Variants in MBNL2 observed in about 807,000 individuals in gnomAD.
The protein encoded by MBNL2 is muscleblind like splicing regulator 2.
Under a neutral mutation model 41.9 loss-of-function variants are expected in MBNL2, and 17 were observed. The ratio of observed to expected loss-of-function variants is 0.41; its 90% CI spans 0.28 to 0.61. The LOEUF is 0.61. Among genes scored for constraint, MBNL2 ranks in the 20% least tolerant of loss-of-function variants. The pLI is 0.35. For missense variants in MBNL2, 336 were observed against 505.6 expected (o/e 0.66, Z 3.22); for synonymous variants, 195 against 182.9 (o/e 1.07, Z -0.53).
chr13:97,150,430 T>A, the MBNL2 span, among the ~76,000 whole-genome samples: 1 of 152,142 alleles, frequency 6.6e-6, no homozygotes, highest in Non-Finnish European at 1.5e-5. Context: ...TCTCTTCAGG[T>A]TGGCCTGATA....
intron 1 of MBNL2, among the ~76,000 whole-genome samples, chr13:97,252,994 G>A (rs2046858139): frequency 1.3e-5 from 2 of 152,166 alleles, no homozygotes; most frequent in Non-Finnish European, 2.9e-5. Flanking sequence ...ACATCTTGTT[G>A]TGAATATGAG....
intron 1 of MBNL2, among the ~76,000 whole-genome samples, chr13:97,264,692 G>C (rs2049371753): frequency 6.6e-6 from 1 of 152,190 alleles, no homozygotes; most frequent in Non-Finnish European, 1.5e-5. Context: ...TGTCAAAAAA[G>C]GGGTTATTAG....
chr13:97,299,737 G>T (rs540728041), intron 2 of MBNL2, among the ~76,000 whole-genome samples: 120 of 151,438 alleles, frequency 7.9e-4, no homozygotes, highest in African/African-American at 2.7e-3. Context: ...TCTTCAAAAC[G>T]TATTACTTAG....
At chr13:97,343,972 A>G (rs2061633312) in intron 4 of MBNL2, among the ~76,000 whole-genome samples, 1 of 152,038 alleles carries the variant, frequency 6.6e-6, no homozygotes, top group Admixed American at 6.6e-5. Flanking sequence ...ACGCCTGGCC[A>G]ATTTTGTATT....
At chr13:97,347,302 C>T (rs1262764603) in intron 5 of MBNL2, among the ~76,000 whole-genome samples, 1 of 152,170 alleles carries the variant, frequency 6.6e-6, no homozygotes, top group Admixed American at 6.5e-5. Context: ...TCCTGGGGTC[C>T]CTGAGCTCCG....
intron 7 of MBNL2, chr13:97,363,096 A>T (rs1462023988): frequency 6.6e-6 from 1 of 152,254 alleles, no homozygotes; most frequent in African/African-American, 2.4e-5. Context: ...TAGTATGGCC[A>T]TAGACCGAGG....
intron 1 of MBNL2, among the ~76,000 whole-genome samples, chr13:97,266,661 A>T (rs575117244): frequency 6.6e-6 from 1 of 152,372 alleles, no homozygotes; most frequent in South Asian, 2.1e-4. Flanking sequence ...TAGTCTCCAG[A>T]AATAGAGTGG....
rs957223117 is a variant in MBNL2 at position 97,277,421 on chromosome 13, A to G, written c.174+1012A>G. On this transcript the variant is annotated intron_variant, in intron 2 of 8. Coordinates refer to ENST00000679496, the MANE Select transcript of MBNL2 (RefSeq NM_001382683.1). ...AAACAGTTAAGAAAATTGTTTATCA[A>G]TGCTCTTGACATATGACTTGAGAAA... 6.6e-5 allele frequency among the ~76,000 whole-genome samples: 10 copies of G among 152,316 alleles called. No individual in the cohort carries two copies. The South Asian group carries it at 1.0e-3, about 16-fold the overall frequency.
intron 8 of MBNL2, among the ~76,000 whole-genome samples, chr13:97,367,060 C>T (rs1337903433): frequency 6.6e-6 from 1 of 152,228 alleles, no homozygotes; most frequent in Non-Finnish European, 1.5e-5. Flanking sequence ...GCCAAACTCA[C>T]TTGGTTCCCA....
In MBNL2 at chr13:97,283,160, C is replaced by T. The variant is rs76814011; in HGVS notation, c.174+6751C>T. 2.9e-3 allele frequency among the ~76,000 whole-genome samples: 447 copies of T among 152,300 alleles called. 21 individuals are homozygous for T. The East Asian group carries it at 0.073, about 25-fold the overall frequency. ...CTTCCTACTTTCCCTCTAATGCCACCTCTTCCTCCCCTTGCTCCCTCAGTG... is the reference window on the plus strand; with the variant it reads ...CTTCCTACTTTCCCTCTAATGCCACTTCTTCCTCCCCTTGCTCCCTCAGTG... On this transcript the variant is annotated intron_variant, in intron 2 of 8. Transcript: ENST00000679496.
intron 7 of MBNL2, among the ~76,000 whole-genome samples, chr13:97,359,609 C>A (rs895568048): frequency 1.3e-5 from 2 of 152,176 alleles, no homozygotes; most frequent in Non-Finnish European, 2.9e-5. Context: ...TCATGAAGGA[C>A]CCATACGGCT....
intron 2 of MBNL2, among the ~76,000 whole-genome samples, chr13:97,330,177 A>T: frequency 6.6e-6 from 1 of 152,204 alleles, no homozygotes; most frequent in East Asian, 1.9e-4. Context: ...AATGAATGAG[A>T]TCGTAGCCTG....
At chr13:97,189,503 T>C in the MBNL2 span, among the ~76,000 whole-genome samples, 1 of 152,222 alleles carries the variant, frequency 6.6e-6, no homozygotes, top group African/African-American at 2.4e-5. Context: ...GGAGGAAATA[T>C]AAATACATGT....
the MBNL2 span, among the ~76,000 whole-genome samples, chr13:97,167,906 C>T: frequency 2.0e-5 from 3 of 152,098 alleles, no homozygotes; most frequent in Non-Finnish European, 4.4e-5. Flanking sequence ...ATTGTCACAT[C>T]AACACACTTG....
chr13:97,318,810 G>A (rs1233501431), intron 2 of MBNL2, among the ~76,000 whole-genome samples: 1 of 152,198 alleles, frequency 6.6e-6, no homozygotes, highest in Non-Finnish European at 1.5e-5. Context: ...GGCTGAATTT[G>A]ACCAGAAGAG....
At chr13:97,222,243 G>A, upstream of MBNL2, 2 of 395,184 alleles carry the variant, frequency 5.1e-6, no homozygotes, top group Non-Finnish European at 8.9e-6. Flanking sequence ...TTTCAGACGA[G>A]TAGGGCTGAC....
chr13:97,210,225 T>C, the MBNL2 span, among the ~76,000 whole-genome samples: 1 of 152,242 alleles, frequency 6.6e-6, no homozygotes, highest in East Asian at 1.9e-4. Flanking sequence ...ACTCAGAGTA[T>C]GTATCTATAA....
intron 2 of MBNL2, among the ~76,000 whole-genome samples, chr13:97,302,127 C>T (rs868574104): frequency 6.6e-6 from 1 of 152,190 alleles, no homozygotes; most frequent in Non-Finnish European, 1.5e-5. Flanking sequence ...CCCGTGAAGG[C>T]CCTCTCCTCT....
intron 3 of MBNL2, among the ~76,000 whole-genome samples, chr13:97,339,453 T>C (rs1401885446): frequency 6.6e-6 from 1 of 152,136 alleles, no homozygotes; most frequent in Non-Finnish European, 1.5e-5. Context: ...CCGCGAATCT[T>C]GTCCTCTGGC....
Sources: allele counts gnomAD v4.1 joint callset (sites outside exome capture counted in the v4.1 genomes callset), GRCh38; gene constraint gnomAD v4.1.1; transcripts MANE v1.5; gene names NCBI Gene and HGNC (gene_info 2026-07-23, HGNC 2026-07-21).